Variants in MOCS3 observed in about 807,000 individuals in gnomAD.
MOCS3 encodes molybdenum cofactor synthesis 3, also known as adenylyltransferase and sulfurtransferase MOCS3.
MOCS3 carries 9 observed loss-of-function variants against 8.4 expected under a neutral mutation model. The ratio of observed to expected loss-of-function variants is 1.07; its 90% CI spans 0.65 to 1.87. MOCS3 has a LOEUF of 1.87. Ranked by LOEUF, MOCS3 falls within the 40% of genes most tolerant of loss-of-function variation. MOCS3 has a pLI of 0.00. For synonymous variants in MOCS3, 294 were observed against 272.0 expected, an observed-to-expected ratio of 1.08 and a Z score of -0.80; for missense variants, 581 against 599.7, an observed-to-expected ratio of 0.97 and a Z score of 0.33.
Position 50,959,450 on chromosome 20 carries a change from C to G in MOCS3, c.608C>G (p.Ala203Gly). ...CTGGCGGGTCGGCCCCTCGTGTCTG[C>G]CAGTGCCTTGCGCTTCGAGGGCCAA... ...CVLAGRPLVSASALRFEGQIT... is the reference protein window; with the variant it reads ...CVLAGRPLVSGSALRFEGQIT... The change falls in exon 1 of 1, where the codon GCC becomes GGC. Residue 203 changes from alanine to glycine, a missense_variant. Ala to Gly is a moderately conservative substitution (Grantham distance 60). Transcript: ENST00000244051. The G allele has an allele frequency of 6.2e-7, 1 of 1,613,968 alleles. No homozygotes were observed. The highest frequency in any genetic ancestry group is 2.2e-5 in the East Asian group (1 of 44,884).
chr20:50,959,365 G>A lies in MOCS3; in HGVS notation c.523G>A (p.Val175Met), dbSNP rs774812371. ...CCTAGACCTGGTCCGCCGATATGAT[G>A]TGGTGGCTGACTGCTCGGACAACGT... ...TALDLVRRYD[V>M]VADCSDNVPT... is the part of the protein sequence containing the mutation. Residue 175 changes from valine to methionine, a missense_variant, in exon 1 of 1, where the codon GTG becomes ATG. Val to Met is a conservative substitution (Grantham distance 21). Transcript: ENST00000244051. The A allele has an allele frequency of 6.2e-7, 1 of 1,612,016 alleles. No individual in the cohort carries two copies. The highest frequency in any genetic ancestry group is 8.5e-7 in the Non-Finnish European group (1 of 1,178,938).
Position 50,959,252 on chromosome 20 carries a change from A to G in MOCS3, c.410A>G (p.Lys137Arg). ...LHGEALAGQA[K>R]AFSAAASLRR... is the part of the protein sequence containing the mutation. ...GGCGAGGCACTGGCTGGCCAGGCCAAGGCCTTTTCGGCCGCCGCCTCGCTG... is the reference window on the plus strand; with the variant it reads ...GGCGAGGCACTGGCTGGCCAGGCCAGGGCCTTTTCGGCCGCCGCCTCGCTG... The change falls in exon 1 of 1, where the codon AAG becomes AGG. Residue 137 changes from lysine (K) to arginine (R), a missense_variant. By Grantham distance (26) the Lys-to-Arg change is conservative (BLOSUM62 2). Coordinates refer to ENST00000244051, the MANE Select transcript of MOCS3 (RefSeq NM_014484.5). The G allele has an allele frequency of 1.2e-6, 2 of 1,610,610 alleles. No individual in the cohort carries two copies. Among genetic ancestry groups the G allele is most frequent in the East Asian group, 2.2e-5 (1 of 44,850 alleles).
In MOCS3 at chr20:50,959,592, G is replaced by A. The variant is rs1987037772; in HGVS notation, c.750G>A (p.Gly250=). 6.2e-7 allele frequency: 1 copy of A among 1,614,148 alleles called. No homozygotes were observed. Among genetic ancestry groups the A allele is most frequent in the Admixed American group, 1.7e-5 (1 of 60,024 alleles). ...GCGGGGTGCTCGGTGTCGTTACCGG[G>A]GTCCTGGGCTGCCTGCAGGCCTTGG... ...ADGGVLGVVT[G]VLGCLQALEV... is the part of the protein sequence containing the mutation. The change falls in exon 1 of 1, where the codon GGG becomes GGA. Residue 250 remains glycine (G), a synonymous_variant. Transcript: ENST00000244051.
At position 50,962,281 on chromosome 20, in the gene MOCS3, A is replaced by C. The variant is rs1313665662; in HGVS notation, c.*2056A>C. 1.3e-5 allele frequency: 2 copies of C among 152,284 alleles called. No homozygotes were observed. Among genetic ancestry groups the C allele is most frequent in the Non-Finnish European group, 2.9e-5 (2 of 68,106 alleles). The allele number at this position is 152,284 out of a possible 1,614,324, so 9.4% of individuals were successfully genotyped here. A position where few individuals can be genotyped will look rare whatever the true frequency, so the allele number is the denominator to read the frequency against. On this transcript the variant is annotated 3_prime_UTR_variant, in exon 1 of 1. Coordinates refer to ENST00000244051, the MANE Select transcript of MOCS3 (RefSeq NM_014484.5). Reference sequence around the variant, plus strand: ...TCCCAGAAAGCCCAACACTTCAGCCACAGTCCATGTGTCGAGAAACAGAGT... The same window carrying C: ...TCCCAGAAAGCCCAACACTTCAGCCCCAGTCCATGTGTCGAGAAACAGAGT...
Position 50,963,449 on chromosome 20 carries a change from G to A in MOCS3, c.*3224G>A, listed in dbSNP as rs1987141088. 1 of 152,150 alleles carries A rather than the reference G, an allele frequency of 6.6e-6. No individual in the cohort carries two copies. Among genetic ancestry groups the A allele is most frequent in the South Asian group, 2.1e-4 (1 of 4,826 alleles). 9.4% of individuals were successfully genotyped at this position (152,150 alleles called of 1,614,324 possible). On this transcript the variant is annotated 3_prime_UTR_variant, in exon 1 of 1. Transcript: ENST00000244051. ...GATCTGTTTTGAATAGCTTAATTATGGAAGGCCTCAGAGATGACATTAAAC... is the reference window on the plus strand; with the variant it reads ...GATCTGTTTTGAATAGCTTAATTATAGAAGGCCTCAGAGATGACATTAAAC...
In MOCS3 at chr20:50,960,509, A is replaced by G. The variant is rs1419756770; in HGVS notation, c.*284A>G. ...GACAGGATTTTGCATTTTAAACTGC[A>G]GATCATTTACATGTCCTTATTTTCC... On this transcript the variant is annotated 3_prime_UTR_variant, in exon 1 of 1. Coordinates refer to ENST00000244051, the MANE Select transcript of MOCS3 (RefSeq NM_014484.5). 3.1e-6 allele frequency: 1 copy of G among 318,180 alleles called. No individual in the cohort carries two copies. The highest frequency in any genetic ancestry group is 6.1e-6 in the Non-Finnish European group (1 of 163,382). The allele number at this position is 318,180 out of a possible 1,614,324, so 19.7% of individuals were successfully genotyped here.
At position 50,958,890 on chromosome 20, in the gene MOCS3, A is replaced by G. The variant is rs771095371; in HGVS notation, c.48A>G (p.Gln16=). 8.1e-6 allele frequency: 13 copies of G among 1,602,568 alleles called. No individual in the cohort carries two copies. The highest frequency in any genetic ancestry group is 2.6e-6 in the Non-Finnish European group (3 of 1,171,332). ...EVLALQAEVA[Q]REEELNSLKQ... ...TCGCCTTACAAGCTGAAGTTGCCCA[A>G]CGTGAGGAGGAATTGAATTCGCTGA... Residue 16 remains glutamine (Q), a synonymous_variant, in exon 1 of 1, where the codon CAA becomes CAG. Coordinates refer to ENST00000244051, the MANE Select transcript of MOCS3 (RefSeq NM_014484.5).
chr20:50,959,723 GGCTCGACTGTGCA>G lies in MOCS3; in HGVS notation c.885_897del (p.Asp296AlafsTer7). On this transcript the variant is annotated frameshift_variant, in exon 1 of 1. Coordinates refer to ENST00000244051, the MANE Select transcript of MOCS3 (RefSeq NM_014484.5). LOFTEE classifies it low-confidence loss of function (END_TRUNC). ...CGCTCTATTCGGCTGCGGAGCCGCA[GGCTCGACTGTGCA>G]GCTTGCGGGGAACGGCCCACTGTGA... 6.2e-7 allele frequency: 1 copy of G among 1,614,264 alleles called. No individual in the cohort carries two copies. Among genetic ancestry groups the G allele is most frequent in the South Asian group, 1.1e-5 (1 of 91,092 alleles).
chr20:50,960,275 A>G lies in MOCS3; in HGVS notation c.*50A>G. The G allele has an allele frequency of 6.5e-7, 1 of 1,528,080 alleles. No homozygotes were observed. The highest frequency in any genetic ancestry group is 8.8e-7 in the Non-Finnish European group (1 of 1,135,312). The allele number at this position is 1,528,080 out of a possible 1,614,324, so 94.7% of individuals were successfully genotyped here. ...AAGATGTGGATTGCCATAATACCTC[A>G]AAGATACACTTGTTTGCATTTTTCG... On this transcript the variant is annotated 3_prime_UTR_variant, in exon 1 of 1. Transcript: ENST00000244051.
rs1298171240 is a variant in MOCS3 at position 50,963,811 on chromosome 20, C to T, written c.*3586C>T. The T allele has an allele frequency of 1.3e-5, 2 of 152,252 alleles. No individual in the cohort carries two copies. The highest frequency in any genetic ancestry group is 1.5e-5 in the Non-Finnish European group (1 of 68,042). 9.4% of individuals were successfully genotyped at this position (152,252 alleles called of 1,614,324 possible). The stretch of plus-strand genomic sequence containing the variant: ...TTCCCTAAGTGTCATGCTATACTGA[C>T]TCTAAGCAAAACTTTGCCATTGCTT... On this transcript the variant is annotated 3_prime_UTR_variant, in exon 1 of 1. Transcript: ENST00000244051.
In MOCS3 at chr20:50,962,608, G is replaced by C. The variant is rs140681206; in HGVS notation, c.*2383G>C. On this transcript the variant is annotated 3_prime_UTR_variant, in exon 1 of 1. Coordinates refer to ENST00000244051, the MANE Select transcript of MOCS3 (RefSeq NM_014484.5). ...TCCCCCAGGCTGGATGGAGTGCAGC[G>C]GCACAATCTCGGCTCACTGCAACCT... 2 of 152,364 alleles carry C rather than the reference G, an allele frequency of 1.3e-5. No individual in the cohort carries two copies. The highest frequency in any genetic ancestry group is 4.8e-5 in the African/African-American group (2 of 41,566). 9.4% of individuals were successfully genotyped at this position (152,364 alleles called of 1,614,324 possible).
At position 50,961,811 on chromosome 20, in the gene MOCS3, TC is replaced by T. The variant is rs1213133760; in HGVS notation, c.*1588del. 6.6e-6 allele frequency: 1 copy of T among 152,228 alleles called. No individual in the cohort carries two copies. Among genetic ancestry groups the T allele is most frequent in the Non-Finnish European group, 1.5e-5 (1 of 68,042 alleles). The allele number at this position is 152,228 out of a possible 1,614,324, so 9.4% of individuals were successfully genotyped here. A position where few individuals can be genotyped will look rare whatever the true frequency, so the allele number is the denominator to read the frequency against. On this transcript the variant is annotated 3_prime_UTR_variant, in exon 1 of 1. Coordinates refer to ENST00000244051, the MANE Select transcript of MOCS3 (RefSeq NM_014484.5). Reference sequence around the variant, plus strand: ...GATGAAGCAGGTCTCTTATGACTGTTCCTGCCAACGAGTTATGGAGGTAAAT... The same window carrying T: ...GATGAAGCAGGTCTCTTATGACTGTTCTGCCAACGAGTTATGGAGGTAAAT...
rs1183519350 is a variant in MOCS3, at chr20:50,959,067, C to T, written c.225C>T (p.His75=). 2.5e-6 allele frequency: 4 copies of T among 1,613,008 alleles called. No homozygotes were observed. Among genetic ancestry groups the T allele is most frequent in the South Asian group, 2.2e-5 (2 of 91,046 alleles). The change falls in exon 1 of 1, where the codon CAC becomes CAT. Residue 75 remains histidine, a synonymous_variant. Coordinates refer to ENST00000244051, the MANE Select transcript of MOCS3 (RefSeq NM_014484.5). Reference sequence around the variant, plus strand: ...TAGTGCTGCCCGAGCTGGGCGTGCACGGACAGCTGCGCCTGGGGACCGCGT... The same window carrying T: ...TAGTGCTGCCCGAGCTGGGCGTGCATGGACAGCTGCGCCTGGGGACCGCGT... ...RQLVLPELGV[H]GQLRLGTACV... is the part of the protein sequence containing the mutation.
In MOCS3 at chr20:50,959,395, A is replaced by C; in HGVS notation, c.553A>C (p.Thr185Pro). 1 of 1,613,296 alleles carries C rather than the reference A, an allele frequency of 6.2e-7. No individual in the cohort carries two copies. Among genetic ancestry groups the C allele is most frequent in the East Asian group, 2.2e-5 (1 of 44,866 alleles). Reference protein sequence around the residue: ...VVADCSDNVPTRYLVNDACVL... With the variant: ...VVADCSDNVPPRYLVNDACVL... ...GGCTGACTGCTCGGACAACGTGCCCACTCGCTACCTGGTTAATGACGCATG... is the reference window on the plus strand; with the variant it reads ...GGCTGACTGCTCGGACAACGTGCCCCCTCGCTACCTGGTTAATGACGCATG... The change falls in exon 1 of 1, where the codon ACT becomes CCT. Residue 185 changes from threonine (T) to proline (P), a missense_variant. Coordinates refer to ENST00000244051, the MANE Select transcript of MOCS3 (RefSeq NM_014484.5).
In MOCS3 at chr20:50,961,148, T is replaced by C. The variant is rs1415000564; in HGVS notation, c.*923T>C. The C allele has an allele frequency of 6.0e-6, 1 of 167,154 alleles. No homozygotes were observed. Among genetic ancestry groups the C allele is most frequent in the Non-Finnish European group, 1.5e-5 (1 of 68,124 alleles). 10.4% of individuals were successfully genotyped at this position (167,154 alleles called of 1,614,324 possible). A position where few individuals can be genotyped will look rare whatever the true frequency, so the allele number is the denominator to read the frequency against. On this transcript the variant is annotated 3_prime_UTR_variant, in exon 1 of 1. Coordinates refer to ENST00000244051, the MANE Select transcript of MOCS3 (RefSeq NM_014484.5). ...AAAGTTAACTTCAGGGTCCACCTTA[T>C]GTTGCACACATATCACATCGTTTAA...
rs1000726687 is a variant in MOCS3 at position 50,960,069 on chromosome 20, T to C, written c.1227T>C (p.Tyr409=). 5.0e-6 allele frequency: 8 copies of C among 1,614,274 alleles called. No homozygotes were observed. The highest frequency in any genetic ancestry group is 6.8e-6 in the Non-Finnish European group (8 of 1,180,050). Residue 409 remains tyrosine, a synonymous_variant, in exon 1 of 1, where the codon TAT becomes TAC. Coordinates refer to ENST00000244051, the MANE Select transcript of MOCS3 (RefSeq NM_014484.5). ...GTQEGAAVPI[Y]VICKLGNDSQ... Reference sequence around the variant, plus strand: ...AAGAAGGGGCTGCTGTCCCCATTTATGTGATTTGCAAACTGGGAAATGACT... The same window carrying C: ...AAGAAGGGGCTGCTGTCCCCATTTACGTGATTTGCAAACTGGGAAATGACT...
In MOCS3 at chr20:50,961,820, C is replaced by T. The variant is rs1470201260; in HGVS notation, c.*1595C>T. On this transcript the variant is annotated 3_prime_UTR_variant, in exon 1 of 1. Transcript: ENST00000244051. ...GGTCTCTTATGACTGTTCCTGCCAA[C>T]GAGTTATGGAGGTAAATGACTGTGA... The T allele has an allele frequency of 3.3e-5, 5 of 152,116 alleles. No homozygotes were observed. The highest frequency in any genetic ancestry group is 6.5e-5 in the Admixed American group (1 of 15,270). The allele number at this position is 152,116 out of a possible 1,614,324, so 9.4% of individuals were successfully genotyped here. A position where few individuals can be genotyped will look rare whatever the true frequency, so the allele number is the denominator to read the frequency against.
At position 50,960,161 on chromosome 20, in the gene MOCS3, G is replaced by A. The variant is rs1987068798; in HGVS notation, c.1319G>A (p.Arg440Gln). 2 of 1,614,194 alleles carry A rather than the reference G, an allele frequency of 1.2e-6. No homozygotes were observed. The highest frequency in any genetic ancestry group is 1.7e-6 in the Non-Finnish European group (2 of 1,180,032). Residue 440 changes from arginine to glutamine, a missense_variant, in exon 1 of 1, where the codon CGG (arginine) becomes CAG (glutamine). Coordinates refer to ENST00000244051, the MANE Select transcript of MOCS3 (RefSeq NM_014484.5). Reference protein sequence around the residue: ...AAQELDPLTVRDVVGGLMAWA... With the variant: ...AAQELDPLTVQDVVGGLMAWA... ...CAAGAGTTAGACCCTTTAACAGTTC[G>A]GGATGTTGTGGGGGGCCTCATGGCC...
chr20:50,958,918 C>T lies in MOCS3; in HGVS notation c.76C>T (p.Gln26Ter), dbSNP rs761778205. The change falls in exon 1 of 1, where the codon CAG (glutamine) becomes TAG (stop). Residue 26 changes from glutamine to a stop codon, truncating the protein, a stop_gained. Transcript: ENST00000244051. LOFTEE classifies it low-confidence loss of function (END_TRUNC). ...QREEELNSLKQKLASALLAEQ... is the reference protein window; with the variant it reads ...QREEELNSLK ...TGAGGAGGAATTGAATTCGCTGAAG[C>T]AGAAGCTGGCGTCGGCTCTTTTGGC... is the stretch of plus-strand genomic sequence containing the variant. 75 of 1,609,582 alleles carry T rather than the reference C, an allele frequency of 4.7e-5. No individual in the cohort carries two copies. The highest frequency in any genetic ancestry group is 5.9e-5 in the Non-Finnish European group (69 of 1,177,004).
Sources: gnomAD v4.1 joint callset for allele counts on GRCh38, gnomAD v4.1.1 for gene constraint, MANE v1.5 for transcripts, NCBI Gene and HGNC (gene_info 2026-07-23, HGNC 2026-07-21) for gene names.